Variants in CCDC30 observed in about 807,000 individuals in gnomAD.
CCDC30 encodes the protein coiled-coil domain containing 30.
Under a neutral mutation model 100.2 loss-of-function variants are expected in CCDC30, and 70 were observed. That is an observed-to-expected ratio of 0.70 (90% confidence interval 0.58 to 0.85). CCDC30 has a LOEUF of 0.85. CCDC30 is among the 40% of genes least tolerant of loss of function. The pLI is 0.00. For missense variants in CCDC30, 652 were observed against 771.2 expected (o/e 0.85, Z 1.83); for synonymous variants, 233 against 269.5 (o/e 0.86, Z 1.33).
At chr1:42,627,398 G>A (rs1478709173) in intron 11 of CCDC30, among the ~76,000 whole-genome samples, 2 of 152,174 alleles carry the variant, frequency 1.3e-5, no homozygotes, top group African/African-American at 4.8e-5. Flanking sequence ...TTTGCAGACT[G>A]ATGATGCAAT....
At chr1:42,611,739 C>G (rs974426144) in intron 11 of CCDC30, among the ~76,000 whole-genome samples, 1 of 152,022 alleles carries the variant, frequency 6.6e-6, no homozygotes, top group African/African-American at 2.4e-5. Context: ...TGGAGTGTCA[C>G]GATCACAACT....
intron 11 of CCDC30, among the ~76,000 whole-genome samples, chr1:42,617,276 CA>C (rs1318600404): frequency 1.3e-5 from 2 of 151,464 alleles, no homozygotes; most frequent in Admixed American, 6.6e-5. Context: ...TCGTCTCTAC[CA>C]AAAAAAAATT....
At chr1:42,544,070 G>C (rs920769523) in intron 6 of CCDC30, among the ~76,000 whole-genome samples, 1 of 151,868 alleles carries the variant, frequency 6.6e-6, no homozygotes, top group African/African-American at 2.4e-5. Context: ...TTGTTTATTT[G>C]GGTACAGACA....
intron 10 of CCDC30, among the ~76,000 whole-genome samples, chr1:42,604,029 G>A (rs1261272964): frequency 6.6e-6 from 1 of 152,086 alleles, no homozygotes; most frequent in African/African-American, 2.4e-5. Flanking sequence ...AGACCAACCT[G>A]AGCAACATAG....
At chr1:42,508,796 A>ATGGAGAAAAATAGTTCAGTTGAC (rs1553186605) in intron 6 of CCDC30, among the ~76,000 whole-genome samples, 1 of 152,158 alleles carries the variant, frequency 6.6e-6, no homozygotes, top group Non-Finnish European at 1.5e-5. Context: ...GACAAAAAAA[A>ATGGAGAAAAATAGTTCAGTTGAC]TGGAGAAAAA....
rs184641161 is a variant in CCDC30 at position 42,606,102 on chromosome 1, T to C, written c.1165-4876T>C. ...CTAACTCTATTATAAAGTTAACATT[T>C]ATGAAAACACACACACAAACACTTA... On this transcript the variant is annotated intron_variant, in intron 10 of 16. Transcript: ENST00000668663. Among the ~76,000 whole-genome samples, 706 of 152,304 alleles carry C rather than the reference T, an allele frequency of 4.6e-3. 1 individual carries two copies. Among genetic ancestry groups the C allele is most frequent in the Non-Finnish European group, 7.3e-3 (494 of 68,032 alleles).
At chr1:42,578,569 G>T (rs1286479567) in intron 8 of CCDC30, among the ~76,000 whole-genome samples, 1 of 152,126 alleles carries the variant, frequency 6.6e-6, no homozygotes, top group East Asian at 1.9e-4. Flanking sequence ...GTAAAGATTG[G>T]CAAGATTTTA....
intron 1 of CCDC30, among the ~76,000 whole-genome samples, chr1:42,469,022 A>T (rs529677612): frequency 1.8e-4 from 26 of 141,982 alleles, no homozygotes; most frequent in African/African-American, 5.6e-4. Context: ...GAACAGAATT[A>T]AAAAAAAAAA....
exon 10 of CCDC30, chr1:42,589,381 A>C (rs1177868674): frequency 6.2e-7 from 1 of 1,613,898 alleles, no homozygotes; most frequent in East Asian, 2.2e-5. Context: ...TACAAGATAA[A>C]GAAAATCTAC....
intron 11 of CCDC30, among the ~76,000 whole-genome samples, chr1:42,636,160 C>G (rs945655315): frequency 2.6e-5 from 4 of 152,098 alleles, no homozygotes; most frequent in Non-Finnish European, 5.9e-5. Context: ...TGGCTTATGC[C>G]TGTAATCCCA....
intron 3 of CCDC30, among the ~76,000 whole-genome samples, chr1:42,489,012 C>G (rs563822154): frequency 1.3e-4 from 18 of 137,980 alleles, no homozygotes; most frequent in African/African-American, 4.9e-4. Context: ...CCTATGTCGT[C>G]TCCTTTGTTC....
upstream of CCDC30, among the ~76,000 whole-genome samples, chr1:42,462,971 C>T (rs1451995272): frequency 6.6e-6 from 1 of 152,180 alleles, no homozygotes; most frequent in African/African-American, 2.4e-5. Flanking sequence ...AAAAATAAAT[C>T]CAAGGTTAGT....
chr1:42,554,927 C>A (rs1645337921), intron 6 of CCDC30, among the ~76,000 whole-genome samples: 1 of 152,124 alleles, frequency 6.6e-6, no homozygotes, highest in African/African-American at 2.4e-5. Context: ...GTGTCTGTAT[C>A]CTCACCACAG....
At chr1:42,510,098 G>A (rs1644453764) in intron 6 of CCDC30, 1 of 985,408 alleles carries the variant, frequency 1.0e-6, no homozygotes, top group Non-Finnish European at 1.2e-6. Flanking sequence ...TAGATGGTGG[G>A]CAGGAAGAAC....
chr1:42,467,522 C>G (rs1187461576), intron 1 of CCDC30, among the ~76,000 whole-genome samples: 1 of 152,144 alleles, frequency 6.6e-6, no homozygotes, highest in African/African-American at 2.4e-5. Flanking sequence ...ACTATGTTGA[C>G]AGTGATTTTA....
At chr1:42,473,126 A>G (rs1643823111) in intron 1 of CCDC30, 3 of 1,228,418 alleles carry the variant, frequency 2.4e-6, no homozygotes, top group Non-Finnish European at 3.0e-6. Context: ...ATCAAGGGAA[A>G]AGTTCAGTTA....
intron 9 of CCDC30, among the ~76,000 whole-genome samples, chr1:42,586,022 GGTAA>G (rs2148600347): frequency 6.6e-6 from 1 of 152,294 alleles, no homozygotes; most frequent in African/African-American, 2.4e-5. Flanking sequence ...GATGAAGTGT[GGTAA>G]GTGTTATACT....
chr1:42,593,380 G>C (rs751960371), intron 10 of CCDC30: 1 of 152,244 alleles, frequency 6.6e-6, no homozygotes, highest in Non-Finnish European at 1.5e-5. Flanking sequence ...TGTGGAAAGG[G>C]ATGTGGAACT....
At chr1:42,651,442 A>G (rs1648334752) in intron 15 of CCDC30, among the ~76,000 whole-genome samples, 3 of 152,168 alleles carry the variant, frequency 2.0e-5, no homozygotes, top group Admixed American at 1.3e-4. Context: ...TCTCAAAAAA[A>G]GACATACAAA....
Sources: gnomAD v4.1 joint callset for allele counts (sites outside exome capture counted in the v4.1 genomes callset) on GRCh38, gnomAD v4.1.1 for gene constraint, MANE v1.5 for transcripts, NCBI Gene and HGNC (gene_info 2026-07-23, HGNC 2026-07-21) for gene names.